Variants in THSD7B observed in about 807,000 individuals in gnomAD.
The protein encoded by THSD7B is thrombospondin type 1 domain containing 7B, also known as thrombospondin type-1 domain-containing protein 7B.
THSD7B carries 138 observed loss-of-function variants against 213.6 expected under a neutral mutation model. The ratio of observed to expected loss-of-function variants is 0.65; its 90% CI spans 0.56 to 0.74. THSD7B has a LOEUF of 0.74. Ranked by LOEUF, THSD7B falls within the 30% of genes least tolerant of loss-of-function variation. The pLI is 0.00. For missense variants in THSD7B, 1,931 were observed against 1,991.5 expected, an observed-to-expected ratio of 0.97 and a Z score of 0.58; for synonymous variants, 742 against 687.0, an observed-to-expected ratio of 1.08 and a Z score of -1.25.
At chr2:137,653,864 T>C (rs1047735056) in intron 21 of THSD7B, among the ~76,000 whole-genome samples, 2 of 152,138 alleles carry the variant, frequency 1.3e-5, no homozygotes, top group African/African-American at 4.8e-5. Context: ...GAAATTGTTA[T>C]TTTGAATTCT....
At chr2:136,852,760 T>A (rs1403762783) in intron 1 of THSD7B, among the ~76,000 whole-genome samples, 1 of 152,224 alleles carries the variant, frequency 6.6e-6, no homozygotes, top group Non-Finnish European at 1.5e-5. Context: ...ACTCTAAATA[T>A]TTTTATTTTT....
intron 2 of THSD7B, among the ~76,000 whole-genome samples, chr2:136,930,701 A>G (rs1456237830): frequency 2.6e-5 from 4 of 152,218 alleles, no homozygotes; most frequent in Admixed American, 2.6e-4. Flanking sequence ...CAAGATGCTG[A>G]CATGGTCTTT....
chr2:136,783,055 G>A (rs1393915252), intron 1 of THSD7B, among the ~76,000 whole-genome samples: 2 of 152,190 alleles, frequency 1.3e-5, no homozygotes, highest in Non-Finnish European at 2.9e-5. Context: ...GCTGAGTAGC[G>A]TGATTTTCCA....
intron 15 of THSD7B, among the ~76,000 whole-genome samples, chr2:137,505,140 C>A (rs772497612): frequency 1.3e-5 from 2 of 152,136 alleles, no homozygotes; most frequent in Non-Finnish European, 2.9e-5. Flanking sequence ...TTTGCCTGTC[C>A]CACATTTCCC....
chr2:136,937,039 G>A (rs984369546), intron 2 of THSD7B, among the ~76,000 whole-genome samples: 4 of 151,980 alleles, frequency 2.6e-5, no homozygotes, highest in African/African-American at 9.7e-5. Context: ...AATTGACTAA[G>A]TTGTGCAACC....
intron 14 of THSD7B, among the ~76,000 whole-genome samples, chr2:137,422,149 C>G (rs1686942484): frequency 6.6e-6 from 1 of 152,150 alleles, no homozygotes; most frequent in Non-Finnish European, 1.5e-5. Flanking sequence ...TGTGTAATAT[C>G]TACACAGGGG....
At chr2:136,766,064 T>G (rs1466830361) in intron 1 of THSD7B, among the ~76,000 whole-genome samples, 1 of 152,170 alleles carries the variant, frequency 6.6e-6, no homozygotes, top group Non-Finnish European at 1.5e-5. Context: ...GGGATACTGA[T>G]GAAGGAAACC....
At chr2:137,242,034 ATATGTT>A (rs2105064936) in intron 9 of THSD7B, among the ~76,000 whole-genome samples, 1 of 152,240 alleles carries the variant, frequency 6.6e-6, no homozygotes, top group Non-Finnish European at 1.5e-5. Flanking sequence ...GTTTTCCAAT[ATATGTT>A]TATATTTCTT....
rs551296851 is a variant in THSD7B at position 137,069,098 on chromosome 2, G to C, written c.950+11868G>C. ...CATTGATTTGCTTCTTGTGCTTAAAGATCTTTTGCTTTTACTTGTCTCAGT... is the reference window on the plus strand; with the variant it reads ...CATTGATTTGCTTCTTGTGCTTAAACATCTTTTGCTTTTACTTGTCTCAGT... On this transcript the variant is annotated intron_variant, in intron 3 of 27. Coordinates refer to ENST00000409968, the MANE Select transcript of THSD7B (RefSeq NM_001316349.2). Among the ~76,000 whole-genome samples the C allele has an allele frequency of 2.0e-5, 3 of 152,074 alleles. No individual in the cohort carries two copies. The East Asian group carries it at 5.8e-4, about 29-fold the overall frequency.
At chr2:137,358,223 C>T (rs1256402329) in intron 12 of THSD7B, among the ~76,000 whole-genome samples, 1 of 152,094 alleles carries the variant, frequency 6.6e-6, no homozygotes, top group Non-Finnish European at 1.5e-5. Context: ...TCTAAGATTC[C>T]CACTCAAATT....
intron 12 of THSD7B, among the ~76,000 whole-genome samples, chr2:137,300,214 C>T (rs56801976): frequency 0.062 from 9,368 of 152,188 alleles, 541 homozygotes; most frequent in African/African-American, 0.14. Context: ...TACCCTTGCC[C>T]TCTGCAAGTT....
intron 10 of THSD7B, 106 bp from the exon 11 acceptor site, chr2:137,272,427 C>T (rs957280953): frequency 2.5e-6 from 3 of 1,187,836 alleles, no homozygotes; most frequent in Non-Finnish European, 3.4e-6. Context: ...TGACTTTCCA[C>T]ATGTGCTTAC....
chr2:137,242,345 C>T (rs935215084), intron 9 of THSD7B, 112 bp from the exon 10 acceptor site: 5 of 747,178 alleles, frequency 6.7e-6, no homozygotes, highest in African/African-American at 5.3e-5. Context: ...CTTCCCTCAC[C>T]TATTAAGGGA....
At chr2:137,490,616 A>T (rs1688583244) in intron 15 of THSD7B, among the ~76,000 whole-genome samples, 1 of 152,196 alleles carries the variant, frequency 6.6e-6, no homozygotes, top group Non-Finnish European at 1.5e-5. Flanking sequence ...CTACATTGAC[A>T]CAAATTATCA....
intron 7 of THSD7B, among the ~76,000 whole-genome samples, chr2:137,174,521 G>C (rs1680322381): frequency 6.6e-6 from 1 of 152,174 alleles, no homozygotes; most frequent in Non-Finnish European, 1.5e-5. Context: ...GGTTATCTTA[G>C]ATTTGAGTAG....
At chr2:137,580,288 TC>T (rs138254991) in intron 17 of THSD7B, among the ~76,000 whole-genome samples, 35,712 of 152,068 alleles carry the variant, frequency 0.23, 4,363 homozygotes, top group South Asian at 0.35. Context: ...GAGATTTTTT[TC>T]ATCACTATTA....
chr2:137,626,912 CTG>C (rs1274032366), intron 20 of THSD7B, among the ~76,000 whole-genome samples: 4 of 152,180 alleles, frequency 2.6e-5, no homozygotes, highest in African/African-American at 7.2e-5. Context: ...TACCAATTTT[CTG>C]TGTTAGTCCA....
intron 12 of THSD7B, among the ~76,000 whole-genome samples, chr2:137,344,712 T>C (rs1465831753): frequency 6.6e-6 from 1 of 151,448 alleles, no homozygotes; most frequent in Non-Finnish European, 1.5e-5. Flanking sequence ...AAAACAAGGG[T>C]GCACCATGCC....
intron 12 of THSD7B, among the ~76,000 whole-genome samples, chr2:137,393,893 G>T (rs1196376879): frequency 2.1e-5 from 3 of 140,560 alleles, no homozygotes; most frequent in Non-Finnish European, 1.6e-5. Context: ...GTTTTGATTT[G>T]CATTTCTCTG....
Sources: gnomAD v4.1 joint callset for allele counts (sites outside exome capture counted in the v4.1 genomes callset) on GRCh38, gnomAD v4.1.1 for gene constraint, MANE v1.5 for transcripts, NCBI Gene and HGNC (gene_info 2026-07-23, HGNC 2026-07-21) for gene names.